The following UBAC2 variants were observed in gnomAD, a reference collection of about 807,000 sequenced individuals.
UBAC2 encodes the protein ubiquitin-associated domain-containing protein 2.
In UBAC2, 26 loss-of-function variants were observed where a neutral mutation model predicts 44.0. The observed-to-expected ratio is 0.59, with a 90% CI of 0.43 to 0.82. The LOEUF (loss-of-function observed/expected upper bound fraction) is 0.82, where lower values mean the gene tolerates loss of function less well. Among genes scored for constraint, UBAC2 ranks in the 40% least tolerant of loss-of-function variants. The pLI, the probability that UBAC2 is intolerant of heterozygous loss-of-function variation, is 0.00. For missense variants in UBAC2, 329 were observed against 419.4 expected, an observed-to-expected ratio of 0.78 and a Z score of 1.88; for synonymous variants, 155 against 154.3, an observed-to-expected ratio of 1.00 and a Z score of -0.04.
intron 8 of UBAC2, chr13:99,372,589 T>C (rs2045421687): frequency 6.6e-6 from 1 of 152,216 alleles, no homozygotes; most frequent in Non-Finnish European, 1.5e-5. Context: ...GTGGGGAAGC[T>C]GCTGGAGAAA....
At chr13:99,320,863 A>G (rs2044558667) in intron 6 of UBAC2, among the ~76,000 whole-genome samples, 1 of 152,256 alleles carries the variant, frequency 6.6e-6, no homozygotes, top group Non-Finnish European at 1.5e-5. Flanking sequence ...TGCCTATTCC[A>G]GATGTCTCTT....
At chr13:99,241,974 C>G (rs2043306881) in intron 2 of UBAC2, among the ~76,000 whole-genome samples, 1 of 150,552 alleles carries the variant, frequency 6.6e-6, no homozygotes, top group Non-Finnish European at 1.5e-5. Flanking sequence ...ATCTGTTTAA[C>G]AAAGCACATC....
intron 4 of UBAC2, among the ~76,000 whole-genome samples, chr13:99,276,405 G>A (rs1421930698): frequency 1.3e-5 from 2 of 152,218 alleles, no homozygotes; most frequent in East Asian, 3.8e-4. Flanking sequence ...ACATTTGCAG[G>A]AACGTCTCAC....
intron 8 of UBAC2, among the ~76,000 whole-genome samples, chr13:99,381,682 T>C (rs1316499189): frequency 6.6e-6 from 1 of 152,142 alleles, no homozygotes; most frequent in Non-Finnish European, 1.5e-5. Context: ...AAGACCACCT[T>C]GATCAGAGAG....
intron 6 of UBAC2, among the ~76,000 whole-genome samples, chr13:99,332,054 A>G (rs368107105): frequency 1.3e-5 from 2 of 152,074 alleles, no homozygotes; most frequent in East Asian, 1.9e-4. Context: ...CAGAGGCAAT[A>G]TCATGCCCCT....
chr13:99,217,348 T>C lies in UBAC2; in HGVS notation c.31+16409T>C, dbSNP rs1017546704. Among the ~76,000 whole-genome samples, 3 of 152,304 alleles carry C rather than the reference T, an allele frequency of 2.0e-5. No homozygotes were observed. The South Asian group carries it at 6.2e-4, about 32-fold the overall frequency. ...TTCTCCCAGGGAGAGGTCCCGTGGCTCATCAGAGCTTTAAAAACCAGACTT... is the reference window on the plus strand; with the variant it reads ...TTCTCCCAGGGAGAGGTCCCGTGGCCCATCAGAGCTTTAAAAACCAGACTT... On this transcript the variant is annotated intron_variant, in intron 1 of 8. Coordinates refer to ENST00000403766, the MANE Select transcript of UBAC2 (RefSeq NM_001144072.2).
intron 7 of UBAC2, among the ~76,000 whole-genome samples, chr13:99,348,764 G>A (rs569917350): frequency 1.3e-5 from 2 of 152,276 alleles, no homozygotes; most frequent in Non-Finnish European, 2.9e-5. Flanking sequence ...TAATCCCAGC[G>A]CTTTGGGAGG....
chr13:99,317,110 T>C (rs767490637), intron 5 of UBAC2, among the ~76,000 whole-genome samples: 10 of 152,222 alleles, frequency 6.6e-5, no homozygotes, highest in Non-Finnish European at 1.3e-4. Flanking sequence ...AGCCTCTTTA[T>C]CTGAGTGTGT....
chr13:99,334,132 AT>A (rs562664169), intron 6 of UBAC2, among the ~76,000 whole-genome samples: 16 of 147,260 alleles, frequency 1.1e-4, no homozygotes, highest in South Asian at 2.1e-4. Flanking sequence ...ATTTATTCTT[AT>A]TTTTTTTTTA....
intron 7 of UBAC2, among the ~76,000 whole-genome samples, chr13:99,349,473 G>C (rs747218813): frequency 6.6e-6 from 1 of 152,146 alleles, no homozygotes. Context: ...ATCAAGATGC[G>C]GAGACCAGTA....
At chr13:99,313,271 A>C (rs911140986) in intron 4 of UBAC2, 2 of 152,258 alleles carry the variant, frequency 1.3e-5, no homozygotes, top group Non-Finnish European at 2.9e-5. Context: ...GGCGTGAGAC[A>C]CTACGCCCGG....
At chr13:99,202,520 T>A (rs554850943) in intron 1 of UBAC2, among the ~76,000 whole-genome samples, 1 of 152,314 alleles carries the variant, frequency 6.6e-6, no homozygotes, top group East Asian at 1.9e-4. Flanking sequence ...TATAAAAAAA[T>A]AAAGGGCAAG....
At chr13:99,265,977 G>C (rs1389460989) in intron 4 of UBAC2, among the ~76,000 whole-genome samples, 1 of 152,086 alleles carries the variant, frequency 6.6e-6, no homozygotes, top group African/African-American at 2.4e-5. Context: ...AATAGATCCA[G>C]ATTTCTTATG....
intron 6 of UBAC2, among the ~76,000 whole-genome samples, chr13:99,325,288 A>G (rs773431473): frequency 1.3e-5 from 2 of 151,832 alleles, no homozygotes; most frequent in Non-Finnish European, 2.9e-5. Context: ...TGTTTTTTGT[A>G]GAGACGGGGT....
intron 4 of UBAC2, among the ~76,000 whole-genome samples, chr13:99,268,872 A>G (rs2043780574): frequency 6.6e-6 from 1 of 152,080 alleles, no homozygotes; most frequent in African/African-American, 2.4e-5. Flanking sequence ...GAGATTGGCC[A>G]TGGGAGAAAC....
intron 6 of UBAC2, among the ~76,000 whole-genome samples, chr13:99,320,228 CTT>C (rs1005466416): frequency 6.6e-6 from 1 of 152,074 alleles, no homozygotes; most frequent in Non-Finnish European, 1.5e-5. Flanking sequence ...TTTTTCATCT[CTT>C]TATAGTCTTT....
At chr13:99,370,427 A>G (rs768555703) in intron 8 of UBAC2, among the ~76,000 whole-genome samples, 1 of 152,218 alleles carries the variant, frequency 6.6e-6, no homozygotes, top group Non-Finnish European at 1.5e-5. Flanking sequence ...CCTTTTCAAA[A>G]TCTATAAAAG....
chr13:99,239,640 C>T (rs2043278093), intron 2 of UBAC2, among the ~76,000 whole-genome samples: 1 of 152,190 alleles, frequency 6.6e-6, no homozygotes, highest in South Asian at 2.1e-4. Context: ...TTTGGCTAAG[C>T]CCACTCTGTG....
intron 4 of UBAC2, among the ~76,000 whole-genome samples, chr13:99,296,603 A>G (rs1321454601): frequency 1.3e-5 from 2 of 152,082 alleles, no homozygotes; most frequent in Non-Finnish European, 2.9e-5. Flanking sequence ...ATTTTTTTTT[A>G]ACCAAATGCA....
Sources: allele counts gnomAD v4.1 joint callset (sites outside exome capture counted in the v4.1 genomes callset), GRCh38; gene constraint gnomAD v4.1.1; transcripts MANE v1.5; gene names NCBI Gene and HGNC (gene_info 2026-07-23, HGNC 2026-07-21).